The following SVIL variants were observed in gnomAD, a reference collection of about 807,000 sequenced individuals.
SVIL encodes archvillin.
A neutral mutation model predicts 240.4 loss-of-function variants in SVIL; 101 were observed. The observed-to-expected ratio is 0.42, with a 90% confidence interval of 0.36 to 0.50. The LOEUF (loss-of-function observed/expected upper bound fraction) is 0.50. Among genes scored for constraint, SVIL ranks in the 20% least tolerant of loss-of-function variants. The pLI is 0.01. For missense variants in SVIL, 2,512 were observed against 2,818.7 expected (o/e 0.89, Z 2.46); for synonymous variants, 999 against 1,100.0 (o/e 0.91, Z 1.82).
chr10:29,530,730 A>G, intron 10 of SVIL, 62 bp from the exon 11 acceptor site: 1 of 1,594,382 alleles, frequency 6.3e-7, no homozygotes. Context: ...CGGTCTCCAA[A>G]AAGTCTTTCA....
chr10:29,488,120 T>C (rs1947595706), intron 23 of SVIL, among the ~76,000 whole-genome samples: 1 of 152,094 alleles, frequency 6.6e-6, no homozygotes, highest in African/African-American at 2.4e-5. Flanking sequence ...GGAATGCAGG[T>C]GGGCTTCATC....
At chr10:29,703,549 C>A (rs1279313077) in intron 1 of SVIL, among the ~76,000 whole-genome samples, 1 of 152,234 alleles carries the variant, frequency 6.6e-6, no homozygotes, top group Non-Finnish European at 1.5e-5. Flanking sequence ...ACGCCAGCAG[C>A]CCCTGTGGCG....
At chr10:29,665,381 C>T (rs1051475980) in intron 2 of SVIL, among the ~76,000 whole-genome samples, 28 of 152,194 alleles carry the variant, frequency 1.8e-4, no homozygotes, top group South Asian at 6.2e-4. Flanking sequence ...CAGCACCTGG[C>T]GAAGGCAAAT....
At chr10:29,620,119 CATATT>C (rs1435043449) in intron 1 of SVIL, among the ~76,000 whole-genome samples, 1 of 152,056 alleles carries the variant, frequency 6.6e-6, no homozygotes, top group Non-Finnish European at 1.5e-5. Context: ...TAAATGGAGA[CATATT>C]ATGTATATAC....
chr10:29,630,433 G>A (rs759827528), intron 1 of SVIL, among the ~76,000 whole-genome samples: 4 of 152,146 alleles, frequency 2.6e-5, no homozygotes, highest in Non-Finnish European at 5.9e-5. Flanking sequence ...TCCTACAATA[G>A]GGAGTGTCTC....
At chr10:29,521,280 T>C (rs1950547973) in intron 16 of SVIL, among the ~76,000 whole-genome samples, 1 of 150,886 alleles carries the variant, frequency 6.6e-6, no homozygotes, top group Non-Finnish European at 1.5e-5. Flanking sequence ...GACTTTTCAT[T>C]GTGGTTTAGT....
At chr10:29,633,645 G>A (rs1409105515) in intron 1 of SVIL, among the ~76,000 whole-genome samples, 1 of 145,436 alleles carries the variant, frequency 6.9e-6, no homozygotes, top group Non-Finnish European at 1.5e-5. Context: ...TCCATCTGAT[G>A]TGGTATAAAG....
chr10:29,708,408 G>A (rs559205872), intron 1 of SVIL, among the ~76,000 whole-genome samples: 1 of 151,784 alleles, frequency 6.6e-6, no homozygotes, highest in Admixed American at 6.6e-5. Flanking sequence ...ATCACCTGAG[G>A]TCAGGAGTTC....
In SVIL at chr10:29,490,870, G is replaced by C; in HGVS notation, c.4169C>G (p.Ser1390Ter). The C allele has an allele frequency of 6.2e-7, 1 of 1,613,932 alleles. No individual in the cohort carries two copies. Among genetic ancestry groups the C allele is most frequent in the Non-Finnish European group, 8.5e-7 (1 of 1,179,852 alleles). ...ACTCTTTTCTACTTTCATCCGCTTT[G>C]ACTCCATGAAGGCAACGTTTAATCT... The part of the protein sequence containing the change: ...EQRLNVAFME[S>*]KRMKVEKMSS... The change falls in exon 22 of 38, where the codon TCA becomes TGA. Residue 1390 changes from serine (S) to a stop codon, truncating the protein, a stop_gained. Transcript: ENST00000355867. LOFTEE classifies it high-confidence loss of function.
intron 17 of SVIL, among the ~76,000 whole-genome samples, chr10:29,507,251 T>C (rs1949433957): frequency 6.6e-6 from 1 of 152,150 alleles, no homozygotes; most frequent in African/African-American, 2.4e-5. Context: ...TCCTCCTCTA[T>C]GAACTGAGTA....
At chr10:29,722,393 G>T (rs1368094775) in intron 1 of SVIL, among the ~76,000 whole-genome samples, 1 of 152,034 alleles carries the variant, frequency 6.6e-6, no homozygotes, top group Non-Finnish European at 1.5e-5. Flanking sequence ...AAAAGCCCTA[G>T]AAGTTAAGAA....
chr10:29,637,288 C>G (rs1166351539), upstream of SVIL, among the ~76,000 whole-genome samples: 2 of 152,002 alleles, frequency 1.3e-5, no homozygotes, highest in Admixed American at 1.3e-4. Flanking sequence ...AGTTCGAGAC[C>G]AGCCTAATGA....
Position 29,629,702 on chromosome 10 carries a change from G to A in SVIL, c.-201+4718C>T, listed in dbSNP as rs115568831. 8.6e-3 allele frequency among the ~76,000 whole-genome samples: 1,188 copies of A among 138,840 alleles called. 45 individuals are homozygous for A. Among genetic ancestry groups the A allele is most frequent in the African/African-American group, 0.024 (969 of 40,084 alleles). The allele number at this position is 138,840 out of a possible 152,430, so 91.1% of individuals were successfully genotyped here. ...GGCTACTGTAAAAATTAGAGTCCGG[G>A]CGTGGTGGCTCACACCTGTAATCCC... On this transcript the variant is annotated intron_variant, in intron 1 of 37. Transcript: ENST00000355867.
intron 16 of SVIL, among the ~76,000 whole-genome samples, chr10:29,515,535 T>C (rs143388316): frequency 8.5e-5 from 13 of 152,352 alleles, no homozygotes; most frequent in South Asian, 4.1e-4. Flanking sequence ...TTCCAGTTCA[T>C]GATCTTGTGG....
At chr10:29,606,515 A>T (rs2132857434) in intron 1 of SVIL, among the ~76,000 whole-genome samples, 1 of 152,346 alleles carries the variant, frequency 6.6e-6, no homozygotes, top group East Asian at 1.9e-4. Context: ...ATTTTAAAGT[A>T]CACCCAAAAT....
chr10:29,499,897 C>T (rs1017693600), intron 17 of SVIL, among the ~76,000 whole-genome samples: 2 of 152,204 alleles, frequency 1.3e-5, no homozygotes, highest in Non-Finnish European at 2.9e-5. Context: ...ATGCTGTAGA[C>T]AAAACCTACA....
chr10:29,604,908 A>G lies in SVIL; in HGVS notation c.-201+29512T>C, dbSNP rs538914894. ...AACATTATCATAGGTTTATGTGTGTACAGTATGGGGAAAAAACAGTATATA... is the reference window on the plus strand; with the variant it reads ...AACATTATCATAGGTTTATGTGTGTGCAGTATGGGGAAAAAACAGTATATA... On this transcript the variant is annotated intron_variant, in intron 1 of 37. Coordinates refer to ENST00000355867, the MANE Select transcript of SVIL (RefSeq NM_021738.3). 1.1e-4 allele frequency among the ~76,000 whole-genome samples: 13 copies of G among 117,718 alleles called. No individual in the cohort carries two copies. The East Asian group carries it at 1.7e-3, about 15-fold the overall frequency. The allele number at this position is 117,718 out of a possible 152,430, so 77.2% of individuals were successfully genotyped here.
intron 30 of SVIL, 118 bp downstream of exon 30, chr10:29,473,719 TG>T: frequency 7.3e-7 from 1 of 1,369,260 alleles, no homozygotes; most frequent in African/African-American, 1.5e-5. Flanking sequence ...TGAAGTGCTT[TG>T]GGTGACGTGG....
chr10:29,579,446 AAAAC>A (rs1003733769), intron 1 of SVIL, among the ~76,000 whole-genome samples: 16 of 152,054 alleles, frequency 1.1e-4, no homozygotes, highest in East Asian at 5.8e-4. Flanking sequence ...TCAAAAAAAC[AAAAC>A]AAACAAACAA....
Sources: allele counts gnomAD v4.1 joint callset (sites outside exome capture counted in the v4.1 genomes callset), GRCh38; gene constraint gnomAD v4.1.1; transcripts MANE v1.5; gene names NCBI Gene and HGNC (gene_info 2026-07-23, HGNC 2026-07-21).